Variants in POM121C observed in about 807,000 individuals in gnomAD.
The protein encoded by POM121C is POM121 transmembrane nucleoporin C, also known as nuclear envelope pore membrane protein POM 121C.
In POM121C, 20 loss-of-function variants were observed where a neutral mutation model predicts 66.4. The observed-to-expected ratio is 0.30, with a 90% confidence interval of 0.21 to 0.44. The LOEUF (loss-of-function observed/expected upper bound fraction) is 0.44. Ranked by LOEUF, POM121C falls within the 20% of genes least tolerant of loss-of-function variation. The pLI, the probability that POM121C is intolerant of heterozygous loss-of-function variation, is 1.00. For synonymous variants in POM121C, 286 were observed against 528.0 expected (o/e 0.54, Z 6.28); for missense variants, 580 against 1,225.7 (o/e 0.47, Z 7.87).
At chr7:75,421,339 C>T in intron 13 of POM121C, 170 bp downstream of exon 13, 1 of 1,459,892 alleles carries the variant, frequency 6.8e-7, no homozygotes, top group Non-Finnish European at 9.1e-7. Flanking sequence ...ATGGCTCCTC[C>T]AGTCATTACT....
chr7:75,431,314 A>G (rs1261104659), intron 7 of POM121C, among the ~76,000 whole-genome samples: 1 of 152,162 alleles, frequency 6.6e-6, no homozygotes, highest in African/African-American at 2.4e-5. Context: ...TGGTAAGAAT[A>G]TAAACCGGGC....
Position 75,461,354 on chromosome 7 carries a change from T to C in POM121C, c.-152+13350A>G, listed in dbSNP as rs1249778308. Among the ~76,000 whole-genome samples the C allele has an allele frequency of 1.4e-4, 22 of 152,230 alleles. No homozygotes were observed. In the East Asian group the frequency reaches 2.1e-3, roughly 15 times the overall value. ...GACATTTACAGGAGACTTCACACAC[T>C]AACAGCAGGGTACACATTCTTTGCC... On this transcript the variant is annotated intron_variant, in intron 3 of 14. Transcript: ENST00000615331.
At chr7:75,484,826 T>A (rs1792456381) in intron 1 of POM121C, among the ~76,000 whole-genome samples, 1 of 151,834 alleles carries the variant, frequency 6.6e-6, no homozygotes. Flanking sequence ...AGAAAAAAAA[T>A]TCCCATTATA....
intron 7 of POM121C, among the ~76,000 whole-genome samples, chr7:75,433,206 G>A (rs1790252295): frequency 9.2e-6 from 1 of 108,620 alleles, no homozygotes; most frequent in African/African-American, 3.6e-5. Context: ...CTGCACTCTA[G>A]CCCCAGCGAC....
intron 1 of POM121C, among the ~76,000 whole-genome samples, chr7:75,475,715 A>AG (rs1416735115): frequency 1.8e-4 from 27 of 151,402 alleles, no homozygotes; most frequent in South Asian, 4.2e-4. Flanking sequence ...TGCATGACTG[A>AG]TTTTATCTCA....
chr7:75,476,290 CA>C (rs11426718), intron 1 of POM121C, among the ~76,000 whole-genome samples: 2,665 of 116,444 alleles, frequency 0.023, 39 homozygotes, highest in East Asian at 0.058. Flanking sequence ...GACCTTGTCT[CA>C]AAAAAAAAAA....
rs1790653381 is a variant in POM121C at position 75,441,655 on chromosome 7, G to A, written c.-151-8C>T. 6.5e-7 allele frequency: 1 copy of A among 1,539,784 alleles called. No individual in the cohort carries two copies. Among genetic ancestry groups the A allele is most frequent in the African/African-American group, 1.4e-5 (1 of 72,712 alleles). On this transcript the variant is annotated splice_region_variant and splice_polypyrimidine_tract_variant and intron_variant, in intron 3 of 14. Coordinates refer to ENST00000615331, the MANE Select transcript of POM121C (RefSeq NM_001099415.3). ...GGTAAAGTCCCACGATCCCTGCAGA[G>A]AATGCGAGACAAATCATGGAAACAA...
intron 14 of POM121C, among the ~76,000 whole-genome samples, 186 bp from the exon 15 acceptor site, chr7:75,419,079 C>G (rs1255966587): frequency 6.6e-6 from 1 of 152,180 alleles, no homozygotes; most frequent in Non-Finnish European, 1.5e-5. Flanking sequence ...AGTCTCAGAG[C>G]GAGGCCCACG....
At chr7:75,436,545 G>C (rs1447882985) in intron 7 of POM121C, among the ~76,000 whole-genome samples, 1 of 152,094 alleles carries the variant, frequency 6.6e-6, no homozygotes, top group Non-Finnish European at 1.5e-5. Flanking sequence ...ATGACTCAGA[G>C]CCTTCTGGGC....
rs782339453 is a variant in POM121C at position 75,425,215 on chromosome 7, C to G, written c.647-20G>C. On this transcript the variant is annotated intron_variant, in intron 9 of 14. Transcript: ENST00000615331. ...CTGCAGCTAAAGAAAGAAATCAAGA[C>G]TCGTTTGCTTCCTTCCCTCTTCCAG... is the stretch of plus-strand genomic sequence containing the variant. 22 of 1,415,950 alleles carry G rather than the reference C, an allele frequency of 1.6e-5. No individual in the cohort carries two copies. The highest frequency in any genetic ancestry group is 1.9e-5 in the Non-Finnish European group (20 of 1,055,944). 87.7% of individuals were successfully genotyped at this position (1,415,950 alleles called of 1,614,324 possible).
chr7:75,417,241 A>G lies in POM121C; in HGVS notation c.*1555T>C, dbSNP rs1288009783. The stretch of plus-strand genomic sequence containing the variant: ...TTATAAAATAAGAATTACATTTCAT[A>G]TAACATGGCCAGAAGGAGCTCTAGT... On this transcript the variant is annotated 3_prime_UTR_variant, in exon 15 of 15. Coordinates refer to ENST00000615331, the MANE Select transcript of POM121C (RefSeq NM_001099415.3). 13 of 934,360 alleles carry G rather than the reference A, an allele frequency of 1.4e-5. No individual in the cohort carries two copies. The highest frequency in any genetic ancestry group is 1.5e-5 in the Non-Finnish European group (12 of 782,656). The allele number at this position is 934,360 out of a possible 1,614,324, so 57.9% of individuals were successfully genotyped here. A position where few individuals can be genotyped will look rare whatever the true frequency, so the allele number is the denominator to read the frequency against.
chr7:75,421,184 C>T (rs1404602807), intron 13 of POM121C: 5 of 584,444 alleles, frequency 8.6e-6, no homozygotes, highest in African/African-American at 1.9e-5. Context: ...CCAAGTTGCC[C>T]AGGCTGGTCT....
intron 3 of POM121C, among the ~76,000 whole-genome samples, chr7:75,472,249 C>T (rs1413116587): frequency 1.1e-4 from 17 of 151,784 alleles, no homozygotes; most frequent in Non-Finnish European, 1.3e-4. Context: ...CAGTGGCTCA[C>T]GCCTGTAATC....
intron 6 of POM121C, among the ~76,000 whole-genome samples, chr7:75,438,171 C>G (rs1790486026): frequency 6.6e-6 from 1 of 152,202 alleles, no homozygotes; most frequent in South Asian, 2.1e-4. Context: ...CCAATGGAAA[C>G]AGAAATCTCC....
At chr7:75,440,511 T>C (rs1359227679) in intron 5 of POM121C, 1 of 167,938 alleles carries the variant, frequency 6.0e-6, no homozygotes, top group Non-Finnish European at 1.2e-5. Flanking sequence ...GAGCTTGCAG[T>C]GAGCTGAGAT....
At chr7:75,427,899 C>T (rs1414347986) in intron 7 of POM121C, among the ~76,000 whole-genome samples, 12 of 152,020 alleles carry the variant, frequency 7.9e-5, no homozygotes, top group African/African-American at 1.5e-4. Context: ...ATCAGGAAGC[C>T]GGGCCCAGGA....
intron 1 of POM121C, among the ~76,000 whole-genome samples, chr7:75,477,147 G>C (rs1554479514): frequency 2.1e-5 from 2 of 95,780 alleles, no homozygotes; most frequent in East Asian, 7.9e-4. Context: ...TTATGCCTCA[G>C]TCTTCTCGGT....
In POM121C at chr7:75,421,679, G is replaced by C; in HGVS notation, c.2573C>G (p.Ser858Cys). Residue 858 changes from serine (S) to cysteine (C), a missense_variant, in exon 13 of 15, where the codon TCC becomes TGC. Transcript: ENST00000615331. Reference protein sequence around the residue: ...SFGINVATPGSSATTGAFSFG... With the variant: ...SFGINVATPGCSATTGAFSFG... ...GCTGAAAGCTCCGGTGGTGGCGCTGGAGCCTGGGGTGGCCACGTTGATCCC... is the reference window on the plus strand; with the variant it reads ...GCTGAAAGCTCCGGTGGTGGCGCTGCAGCCTGGGGTGGCCACGTTGATCCC... The C allele has an allele frequency of 6.2e-7, 1 of 1,610,480 alleles. No homozygotes were observed. The highest frequency in any genetic ancestry group is 1.8e-4 in the Middle Eastern group (1 of 5,688).
At chr7:75,432,535 G>C (rs1790223053) in intron 7 of POM121C, among the ~76,000 whole-genome samples, 2 of 152,198 alleles carry the variant, frequency 1.3e-5, no homozygotes, top group African/African-American at 2.4e-5. Flanking sequence ...AAGAAGGAAA[G>C]GAGAAGCATG....
Sources: allele counts gnomAD v4.1 joint callset (sites outside exome capture counted in the v4.1 genomes callset), GRCh38; gene constraint gnomAD v4.1.1; transcripts MANE v1.5; gene names NCBI Gene and HGNC (gene_info 2026-07-23, HGNC 2026-07-21).